Variants in TRIP6 observed in about 807,000 individuals in gnomAD.
TRIP6 encodes thyroid receptor-interacting protein 6.
A neutral mutation model predicts 51.9 loss-of-function variants in TRIP6; 33 were observed. That is an observed-to-expected ratio of 0.64 (90% CI 0.48 to 0.85). The LOEUF is 0.85. TRIP6 is among the 40% of genes least tolerant of loss of function. The probability of loss-of-function intolerance (pLI) is 0.00; values close to 1 mark genes in which losing one functional copy is unlikely to be tolerated. For synonymous variants in TRIP6, 255 were observed against 275.8 expected, an observed-to-expected ratio of 0.92 and a Z score of 0.75; for missense variants, 661 against 652.1, an observed-to-expected ratio of 1.01 and a Z score of -0.15.
Position 100,873,440 on chromosome 7 carries a change from CGA to C in TRIP6, c.*139_*140del. ...CTCCAATCAAGAAATAATAATCCCT[CGA>C]GTTTACAAAACACTTCCAAGTCTGT... On this transcript the variant is annotated 3_prime_UTR_variant, in exon 9 of 9. Transcript: ENST00000200457. The C allele has an allele frequency of 7.5e-7, 1 of 1,328,886 alleles. No individual in the cohort carries two copies. The highest frequency in any genetic ancestry group is 1.5e-5 in the African/African-American group (1 of 67,882). The allele number at this position is 1,328,886 out of a possible 1,614,324, so 82.3% of individuals were successfully genotyped here. A position where few individuals can be genotyped will look rare whatever the true frequency, so the allele number is the denominator to read the frequency against.
intron 4 of TRIP6, 124 bp downstream of exon 4, chr7:100,868,990 C>T: frequency 1.6e-6 from 2 of 1,288,660 alleles, no homozygotes; most frequent in Non-Finnish European, 2.0e-6. Flanking sequence ...CTTGTTTGCC[C>T]AGGCTGGGGT....
At chr7:100,868,924 G>A in intron 4 of TRIP6, 58 bp downstream of exon 4, 2 of 1,437,712 alleles carry the variant, frequency 1.4e-6, no homozygotes, top group South Asian at 1.6e-5. Context: ...CCGACTGGGT[G>A]GGGTGGCTGG....
chr7:100,870,947 A>C (rs945265977), intron 6 of TRIP6: 2 of 720,786 alleles, frequency 2.8e-6, no homozygotes, highest in African/African-American at 3.5e-5. Context: ...CGCAGCTCTT[A>C]CAAGTGTGGA....
intron 6 of TRIP6, chr7:100,871,133 C>G: frequency 2.0e-6 from 1 of 489,148 alleles, no homozygotes; most frequent in Non-Finnish European, 4.0e-6. Flanking sequence ...TGCCCTGGTT[C>G]AAGCGATTCT....
intron 7 of TRIP6, among the ~76,000 whole-genome samples, chr7:100,872,013 GTTTTTTTT>G (rs71517130): frequency 1.7e-5 from 2 of 115,242 alleles, no homozygotes; most frequent in African/African-American, 3.2e-5. Flanking sequence ...AGTTTTCTTC[GTTTTTTTT>G]TTTTTTTTTT....
At chr7:100,871,749 C>A in intron 7 of TRIP6, 28 bp downstream of exon 7, 1 of 1,606,822 alleles carries the variant, frequency 6.2e-7, no homozygotes, top group Non-Finnish European at 8.5e-7. Context: ...CCTTGTCTCA[C>A]AATGTCTGAC....
At chr7:100,870,843 G>A in intron 6 of TRIP6, 100 bp downstream of exon 6, 1 of 1,455,020 alleles carries the variant, frequency 6.9e-7, no homozygotes. Context: ...GAGGAACGGT[G>A]CTAAAAGCCA....
chr7:100,868,388 G>A, intron 3 of TRIP6, 107 bp from the exon 4 acceptor site: 3 of 1,589,048 alleles, frequency 1.9e-6, no homozygotes, highest in South Asian at 2.3e-5. Context: ...ACGGGACCTT[G>A]TCAAATGCAA....
rs778208816 is a variant in TRIP6, at chr7:100,867,883, C to G, written c.132C>G (p.Val44=). 11 of 1,533,072 alleles carry G rather than the reference C, an allele frequency of 7.2e-6. No homozygotes were observed. Among genetic ancestry groups the G allele is most frequent in the Non-Finnish European group, 9.6e-6 (11 of 1,149,396 alleles). The allele number at this position is 1,533,072 out of a possible 1,614,324, so 95.0% of individuals were successfully genotyped here. A position where few individuals can be genotyped will look rare whatever the true frequency, so the allele number is the denominator to read the frequency against. The change falls in exon 2 of 9, where the codon GTC becomes GTG. Residue 44 remains valine (V), a synonymous_variant. Transcript: ENST00000200457. This position sits in a 1 kb window ranked among gnomAD's most constrained non-coding sequence, Gnocchi z 5.4. The stretch of plus-strand genomic sequence containing the variant: ...CAGCACTCCAGCCCCACCCCAGGGT[C>G]AATTTTTGCCCCCTTCCATCTGAGC... ...HGAALQPHPR[V]NFCPLPSEQC...
In TRIP6 at chr7:100,872,763, G is replaced by T; in HGVS notation, c.1299+19G>T. ...GTGCGAGGTCAGGGGCCCCCAGCAC[G>T]TGCAAGGGGCTGGCAGTGTCTAGGG... On this transcript the variant is annotated intron_variant, in intron 8 of 8. Coordinates refer to ENST00000200457, the MANE Select transcript of TRIP6 (RefSeq NM_003302.3). The T allele has an allele frequency of 6.2e-7, 1 of 1,613,456 alleles. No individual in the cohort carries two copies. The highest frequency in any genetic ancestry group is 1.1e-5 in the South Asian group (1 of 91,046).
intron 3 of TRIP6, 58 bp from the exon 4 acceptor site, chr7:100,868,437 A>G (rs1815193731): frequency 2.5e-6 from 4 of 1,611,030 alleles, no homozygotes; most frequent in Non-Finnish European, 3.4e-6. Context: ...CATTTCCACA[A>G]ATGTGGGTCT....
At chr7:100,868,268 C>T (rs763610689) in intron 3 of TRIP6, 35 bp downstream of exon 3, 3 of 1,596,694 alleles carry the variant, frequency 1.9e-6, no homozygotes, top group Middle Eastern at 2.0e-4. Context: ...AGCACCCTGC[C>T]CCCTTCTCTG....
intron 3 of TRIP6, 38 bp downstream of exon 3, chr7:100,868,271 C>A: frequency 4.4e-6 from 7 of 1,592,864 alleles, no homozygotes; most frequent in Non-Finnish European, 5.1e-6. Flanking sequence ...ACCCTGCCCC[C>A]TTCTCTGGAC....
At position 100,868,170 on chromosome 7, in the gene TRIP6, G is replaced by C. The variant is rs1011855023; in HGVS notation, c.300G>C (p.Leu100=). Residue 100 remains leucine, a synonymous_variant, in exon 3 of 9, where the codon CTG becomes CTC. Coordinates refer to ENST00000200457, the MANE Select transcript of TRIP6 (RefSeq NM_003302.3). ...PGSLDAEIDL[L]SSTLAELNGG... is the part of the protein sequence containing the mutation. ...GCCTGGACGCCGAGATAGACTTGCT[G>C]AGCAGCACGCTGGCCGAGCTGAATG... The C allele has an allele frequency of 3.7e-6, 6 of 1,610,708 alleles. No homozygotes were observed. The highest frequency in any genetic ancestry group is 3.4e-6 in the Non-Finnish European group (4 of 1,178,820).
intron 6 of TRIP6, among the ~76,000 whole-genome samples, 175 bp from the exon 7 acceptor site, chr7:100,871,368 G>A (rs1351157234): frequency 1.3e-5 from 2 of 152,152 alleles, no homozygotes; most frequent in African/African-American, 2.4e-5. Context: ...TTTAAATACC[G>A]TGTATAGTGC....
Position 100,867,667 on chromosome 7 carries a change from C to A in TRIP6, c.109+61C>A, listed in dbSNP as rs1045753884. ...GCTGTGGCGCTCACCTCTGTCCTAC[C>A]GCTCCAGCCTCCCGCCCTGGCTGCT... On this transcript the variant is annotated intron_variant, in intron 1 of 8. Transcript: ENST00000200457. The surrounding 1 kb of genome is among the most constrained non-coding windows in gnomAD (Gnocchi z 5.4). The A allele has an allele frequency of 2.6e-6, 4 of 1,563,214 alleles. No individual in the cohort carries two copies. The African/African-American group carries it at 4.1e-5, about 16-fold the overall frequency.
chr7:100,867,642 G>A lies in TRIP6; in HGVS notation c.109+36G>A, dbSNP rs1455572129. The A allele has an allele frequency of 2.6e-6, 4 of 1,553,738 alleles. No homozygotes were observed. The highest frequency in any genetic ancestry group is 1.9e-5 in the Admixed American group (1 of 52,974). On this transcript the variant is annotated intron_variant, in intron 1 of 8. Transcript: ENST00000200457. This position sits in a 1 kb window ranked among gnomAD's most constrained non-coding sequence, Gnocchi z 5.4. ...CCTTGTGAGACAGAAGAGCCACCCA[G>A]CTGTGGCGCTCACCTCTGTCCTACC...
At position 100,867,772 on chromosome 7, in the gene TRIP6, G is replaced by A. The variant is rs1815173864; in HGVS notation, c.110-89G>A. On this transcript the variant is annotated intron_variant, in intron 1 of 8. Transcript: ENST00000200457. This position sits in a 1 kb window ranked among gnomAD's most constrained non-coding sequence, Gnocchi z 5.4. ...TGGGACCCTAGATTTGGGGGAGGAG[G>A]TAACGAGAGGCGGAGAGGGTGGCTC... The A allele has an allele frequency of 1.3e-6, 2 of 1,513,018 alleles. No individual in the cohort carries two copies. Among genetic ancestry groups the A allele is most frequent in the Non-Finnish European group, 1.8e-6 (2 of 1,134,266 alleles). 93.7% of individuals were successfully genotyped at this position (1,513,018 alleles called of 1,614,324 possible).
chr7:100,871,091 T>C (rs1563003171), intron 6 of TRIP6: 1 of 508,048 alleles, frequency 2.0e-6, no homozygotes, highest in Non-Finnish European at 3.8e-6. Flanking sequence ...TGGAGTGCAG[T>C]GGGGTGATCT....
Sources: allele counts gnomAD v4.1 joint callset (sites outside exome capture counted in the v4.1 genomes callset), GRCh38; gene constraint gnomAD v4.1.1; non-coding constraint Gnocchi (gnomAD v3.1); transcripts MANE v1.5; gene names NCBI Gene and HGNC (gene_info 2026-07-23, HGNC 2026-07-21).